CDH12: variants seen among roughly 807,000 people sequenced by gnomAD.
The protein encoded by CDH12 is cadherin-12.
In CDH12, 41 loss-of-function variants were observed where a neutral mutation model predicts 74.1. The ratio of observed to expected loss-of-function variants is 0.55; its 90% CI spans 0.43 to 0.72. The LOEUF is 0.72. Among genes scored for constraint, CDH12 ranks in the 30% least tolerant of loss-of-function variants. The probability of loss-of-function intolerance (pLI) is 0.00; values close to 1 mark genes in which losing one functional copy is unlikely to be tolerated. For synonymous variants in CDH12, 399 were observed against 355.0 expected, an observed-to-expected ratio of 1.12 and a Z score of -1.39; for missense variants, 945 against 977.2, an observed-to-expected ratio of 0.97 and a Z score of 0.44.
chr5:22,159,355 G>T (rs1307134552), intron 4 of CDH12, among the ~76,000 whole-genome samples: 1 of 152,088 alleles, frequency 6.6e-6, no homozygotes, highest in Non-Finnish European at 1.5e-5. Flanking sequence ...AATTTCTTAG[G>T]ATAATGAGGA....
intron 1 of CDH12, among the ~76,000 whole-genome samples, chr5:22,543,642 A>T (rs911425537): frequency 6.6e-6 from 1 of 152,154 alleles, no homozygotes; most frequent in Admixed American, 6.5e-5. Context: ...AGTAAAAAAA[A>T]GGCACAGGCA....
At chr5:22,787,692 TG>T (rs1180809632) in intron 1 of CDH12, among the ~76,000 whole-genome samples, 1 of 152,206 alleles carries the variant, frequency 6.6e-6, no homozygotes, top group African/African-American at 2.4e-5. Flanking sequence ...GATCTCTCAC[TG>T]GGCTGCAATC....
intron 3 of CDH12, among the ~76,000 whole-genome samples, chr5:22,355,883 T>C (rs576895637): frequency 6.6e-6 from 1 of 152,190 alleles, no homozygotes; most frequent in East Asian, 1.9e-4. Flanking sequence ...ACAATAGGGG[T>C]TGGGAAACAT....
rs112632478 is a variant in CDH12, at chr5:21,802,376, C to A, written c.1047G>T (p.Glu349Asp). 6,380 of 1,613,728 alleles carry A rather than the reference C, an allele frequency of 4.0e-3. 94 individuals are homozygous for A. The African/African-American group carries it at 0.045, about 11-fold the overall frequency. Reference protein sequence around the residue: ...ETKKAYTFKVEASNLHLDHRF... With the variant: ...ETKKAYTFKVDASNLHLDHRF... ...GGTGGTCAAGGTGAAGGTTGGAAGC[C>A]TCAACTTTGAAAGTGTATGCCTTCT... The change falls in exon 10 of 15, where the codon GAG becomes GAT. Residue 349 changes from glutamate to aspartate, a missense_variant. Physicochemically the swap from Glu to Asp is conservative, Grantham distance 45 (BLOSUM62 2). Transcript: ENST00000382254.
intron 3 of CDH12, among the ~76,000 whole-genome samples, chr5:22,363,614 G>A (rs1740912545): frequency 6.6e-6 from 1 of 152,074 alleles, no homozygotes; most frequent in African/African-American, 2.4e-5. Context: ...AATGATATAT[G>A]TCCTTGGAAA....
intron 5 of CDH12, among the ~76,000 whole-genome samples, chr5:22,009,428 T>C (rs1044356604): frequency 2.6e-5 from 4 of 152,168 alleles, no homozygotes; most frequent in African/African-American, 9.7e-5. Context: ...CTGTCTTCTC[T>C]GGCACCTTCC....
intron 6 of CDH12, among the ~76,000 whole-genome samples, chr5:21,972,256 C>CT (rs1055501556): frequency 1.3e-5 from 2 of 151,908 alleles, no homozygotes; most frequent in South Asian, 2.1e-4. Context: ...TAATTCTTCC[C>CT]TTTTTTTGGA....
At chr5:22,829,302 T>C (rs1220512748) in intron 1 of CDH12, among the ~76,000 whole-genome samples, 1 of 152,210 alleles carries the variant, frequency 6.6e-6, no homozygotes, top group African/African-American at 2.4e-5. Flanking sequence ...TCAAAACTTT[T>C]TGACACTCTA....
chr5:22,053,003 T>A (rs190639021), intron 5 of CDH12, among the ~76,000 whole-genome samples: 1 of 152,096 alleles, frequency 6.6e-6, no homozygotes, highest in East Asian at 1.9e-4. Flanking sequence ...TTATCTCTAA[T>A]ACACTTACTT....
At chr5:22,084,821 C>T (rs1297868372) in intron 4 of CDH12, among the ~76,000 whole-genome samples, 1 of 152,146 alleles carries the variant, frequency 6.6e-6, no homozygotes, top group East Asian at 1.9e-4. Flanking sequence ...GAAAGGCAAA[C>T]AACTCCCCCA....
At chr5:22,689,026 T>C (rs1741949939) in intron 1 of CDH12, among the ~76,000 whole-genome samples, 1 of 152,192 alleles carries the variant, frequency 6.6e-6, no homozygotes, top group Non-Finnish European at 1.5e-5. Context: ...ACAGCCTGAA[T>C]TAAAAGGAGA....
At chr5:22,320,472 T>C (rs564344640) in intron 3 of CDH12, among the ~76,000 whole-genome samples, 22 of 152,226 alleles carry the variant, frequency 1.4e-4, no homozygotes, top group Non-Finnish European at 2.9e-5. Context: ...TAAAGCATGT[T>C]ATAAAATAAA....
At chr5:22,742,752 T>C (rs1047542644) in intron 1 of CDH12, among the ~76,000 whole-genome samples, 1 of 150,038 alleles carries the variant, frequency 6.7e-6, no homozygotes, top group Admixed American at 6.7e-5. Flanking sequence ...ATGTTATATA[T>C]TAATTTCAAA....
At chr5:22,717,417 G>T (rs1348318641) in intron 1 of CDH12, among the ~76,000 whole-genome samples, 1 of 152,160 alleles carries the variant, frequency 6.6e-6, no homozygotes, top group Non-Finnish European at 1.5e-5. Flanking sequence ...GTAGTAGGCT[G>T]TACCACTTAG....
At chr5:22,083,689 G>A (rs1263051755) in intron 4 of CDH12, among the ~76,000 whole-genome samples, 1 of 152,066 alleles carries the variant, frequency 6.6e-6, no homozygotes, top group Non-Finnish European at 1.5e-5. Flanking sequence ...TAAGTGACTT[G>A]ACCATGATCT....
At chr5:21,929,610 CA>C (rs1320856508) in intron 6 of CDH12, among the ~76,000 whole-genome samples, 1 of 152,058 alleles carries the variant, frequency 6.6e-6, no homozygotes, top group Non-Finnish European at 1.5e-5. Context: ...TCAACCTCCC[CA>C]ACCTCAGGTG....
intron 5 of CDH12, among the ~76,000 whole-genome samples, chr5:21,988,409 G>A (rs1352438821): frequency 5.5e-5 from 8 of 145,126 alleles, no homozygotes; most frequent in Admixed American, 2.9e-4. Flanking sequence ...GGAGAATGGC[G>A]TGAACCCAGG....
intron 6 of CDH12, among the ~76,000 whole-genome samples, chr5:21,866,840 G>A (rs1486500088): frequency 6.6e-6 from 1 of 152,146 alleles, no homozygotes; most frequent in African/African-American, 2.4e-5. Context: ...CTTTGTGGAA[G>A]CCCCTCCCAT....
chr5:22,529,188 T>G (rs571394), intron 1 of CDH12, among the ~76,000 whole-genome samples: 13,764 of 82,612 alleles, frequency 0.17, 924 homozygotes, highest in Non-Finnish European at 0.2. Context: ...TATATATATA[T>G]AGAGAGAGAG....
Sources: allele counts gnomAD v4.1 joint callset (sites outside exome capture counted in the v4.1 genomes callset), GRCh38; gene constraint gnomAD v4.1.1; transcripts MANE v1.5; gene names NCBI Gene and HGNC (gene_info 2026-07-23, HGNC 2026-07-21).